The following VPS13A variants were observed in gnomAD, a reference collection of about 807,000 sequenced individuals.
VPS13A encodes intermembrane lipid transfer protein VPS13A.
VPS13A carries 264 observed loss-of-function variants against 390.9 expected under a neutral mutation model. The observed-to-expected ratio is 0.68, with a 90% confidence interval of 0.61 to 0.75. VPS13A has a LOEUF of 0.75. Ranked by LOEUF, VPS13A falls within the 30% of genes least tolerant of loss-of-function variation. VPS13A has a pLI of 0.00. For synonymous variants in VPS13A, 1,231 were observed against 1,227.1 expected (o/e 1.00, Z -0.07); for missense variants, 3,409 against 3,733.9 (o/e 0.91, Z 2.27).
Position 77,276,061 on chromosome 9 carries a change from C to G in VPS13A, c.2668-4C>G. 1 of 1,610,888 alleles carries G rather than the reference C, an allele frequency of 6.2e-7. No individual in the cohort carries two copies. Among genetic ancestry groups the G allele is most frequent in the East Asian group, 2.2e-5 (1 of 44,722 alleles). On this transcript the variant is annotated splice_region_variant and splice_polypyrimidine_tract_variant and intron_variant, in intron 25 of 71. Transcript: ENST00000360280. ...TGGTAATTTCTTTTTTCTTTCTTCT[C>G]CAGGTTTTGATCGAGTTTTATCACC...
chr9:77,304,837 TAAC>T (rs1828617906), intron 34 of VPS13A, among the ~76,000 whole-genome samples: 1 of 152,212 alleles, frequency 6.6e-6, no homozygotes, highest in Non-Finnish European at 1.5e-5. Flanking sequence ...GAAACCTACT[TAAC>T]AAATCCTTCT....
At chr9:77,336,088 C>G (rs1004744005) in intron 46 of VPS13A, among the ~76,000 whole-genome samples, 2 of 152,100 alleles carry the variant, frequency 1.3e-5, no homozygotes, top group African/African-American at 4.8e-5. Context: ...CCATTCTCAG[C>G]AAACTAGCAC....
At chr9:77,286,715 T>G (rs115215115) in intron 31 of VPS13A, among the ~76,000 whole-genome samples, 3 of 152,152 alleles carry the variant, frequency 2.0e-5, no homozygotes, top group African/African-American at 7.2e-5. Context: ...GACATCACAG[T>G]TGATGGTCAG....
At chr9:77,265,124 C>T (rs1825962011) in intron 23 of VPS13A, among the ~76,000 whole-genome samples, 1 of 152,164 alleles carries the variant, frequency 6.6e-6, no homozygotes, top group Admixed American at 6.5e-5. Context: ...GTTGAACCAG[C>T]CTTGCATCTC....
chr9:77,264,056 T>TC, intron 23 of VPS13A, among the ~76,000 whole-genome samples: 1 of 152,084 alleles, frequency 6.6e-6, no homozygotes, highest in South Asian at 2.1e-4. Context: ...AGGGAATCTT[T>TC]CCCCCATTGC....
chr9:77,213,394 C>T, intron 9 of VPS13A, 80 bp downstream of exon 9: 1 of 1,176,964 alleles, frequency 8.5e-7, no homozygotes, highest in African/African-American at 1.5e-5. Context: ...ATCTAATATA[C>T]TGTAGTCAGT....
At position 77,177,766 on chromosome 9, in the gene VPS13A, A is replaced by G; in HGVS notation, c.62A>G (p.Asp21Gly). ...LNRFLGDYVV[D>G]LDTSQLSLGI... is the part of the protein sequence containing the mutation. ...CGGTTCTTGGGGGACTATGTGGTGGACTTGGACACGTCCCAGCTCTCTCTG... is the reference window on the plus strand; with the variant it reads ...CGGTTCTTGGGGGACTATGTGGTGGGCTTGGACACGTCCCAGCTCTCTCTG... The change falls in exon 1 of 72, where the codon GAC becomes GGC. Residue 21 changes from aspartate to glycine, a missense_variant. Physicochemically the swap from Asp to Gly is moderately conservative, Grantham distance 94. This residue lies in a region of VPS13A where 2,717 missense variants were observed against 2,917.4 expected (regional missense o/e 0.93). Transcript: ENST00000360280. The G allele has an allele frequency of 6.2e-7, 1 of 1,613,540 alleles. No homozygotes were observed. The highest frequency in any genetic ancestry group is 8.5e-7 in the Non-Finnish European group (1 of 1,179,662).
At chr9:77,270,070 A>G (rs1406053792) in intron 23 of VPS13A, among the ~76,000 whole-genome samples, 4 of 152,190 alleles carry the variant, frequency 2.6e-5, no homozygotes, top group African/African-American at 9.6e-5. Flanking sequence ...CACCCAGTCT[A>G]TGCTATTTTG....
Position 77,360,415 on chromosome 9 carries a change from A to G in VPS13A, c.8106-121A>G, listed in dbSNP as rs1325257762. The G allele has an allele frequency of 6.9e-5, 50 of 723,576 alleles. 1 individual carries two copies. Among genetic ancestry groups the G allele is most frequent in the Non-Finnish European group, 1.1e-4 (47 of 422,746 alleles). 44.8% of individuals were successfully genotyped at this position (723,576 alleles called of 1,614,324 possible). A position where few individuals can be genotyped will look rare whatever the true frequency, so the allele number is the denominator to read the frequency against. On this transcript the variant is annotated intron_variant, in intron 58 of 71. Coordinates refer to ENST00000360280, the MANE Select transcript of VPS13A (RefSeq NM_033305.3). ...TTCCATGATTTTTTAAAATTTAGTC[A>G]ACTAAATAGTCCTAAGTTTCAAAGT...
rs891355768 is a variant in VPS13A at position 77,318,490 on chromosome 9, G to T, written c.5212G>T (p.Gly1738Cys). Residue 1738 changes from glycine to cysteine, a missense_variant, in exon 41 of 72, where the codon GGT becomes TGT. By Grantham distance (159) the Gly-to-Cys change is radical. This residue lies in a region of VPS13A where 2,717 missense variants were observed against 2,917.4 expected (regional missense o/e 0.93). Coordinates refer to ENST00000360280, the MANE Select transcript of VPS13A (RefSeq NM_033305.3). The part of the protein sequence containing the change: ...SIFIVLEAGI[G>C]HRTVPMLLAK... ...TTTTATAGTTCTTGAGGCTGGAATT[G>T]GTCATAGAACAGTACCTATGCTTCT... The T allele has an allele frequency of 1.9e-6, 3 of 1,613,798 alleles. No individual in the cohort carries two copies. In the African/African-American group the frequency reaches 4.0e-5, roughly 22 times the overall value.
intron 59 of VPS13A, among the ~76,000 whole-genome samples, chr9:77,361,685 T>A (rs943552271): frequency 2.6e-5 from 4 of 152,098 alleles, no homozygotes; most frequent in Non-Finnish European, 5.9e-5. Flanking sequence ...AATTGCTCAA[T>A]CACATAGTAA....
intron 1 of VPS13A, among the ~76,000 whole-genome samples, chr9:77,184,820 A>G (rs921212529): frequency 6.6e-5 from 10 of 152,154 alleles, no homozygotes; most frequent in Non-Finnish European, 1.3e-4. Context: ...CAGTATCTCC[A>G]GGGGTTTAGT....
At chr9:77,323,808 A>C (rs942261456) in intron 45 of VPS13A, among the ~76,000 whole-genome samples, 3 of 152,164 alleles carry the variant, frequency 2.0e-5, no homozygotes, top group Non-Finnish European at 2.9e-5. Flanking sequence ...ATGGAGTTTG[A>C]CTTTCATTCA....
At position 77,417,517 on chromosome 9, in the gene VPS13A, A is replaced by G. The variant is rs1375453541; in HGVS notation, c.*1511A>G. The G allele has an allele frequency of 6.6e-6, 1 of 152,026 alleles. No individual in the cohort carries two copies. Among genetic ancestry groups the G allele is most frequent in the Non-Finnish European group, 1.5e-5 (1 of 67,998 alleles). 9.4% of individuals were successfully genotyped at this position (152,026 alleles called of 1,614,324 possible). On this transcript the variant is annotated 3_prime_UTR_variant, in exon 72 of 72. Transcript: ENST00000360280. ...AAACCACAAGTTTAAAATCACATGA[A>G]AGTGTGTTTCCATGTTGACCTTTGT...
intron 17 of VPS13A, among the ~76,000 whole-genome samples, chr9:77,235,538 A>G (rs1824094948): frequency 6.6e-6 from 1 of 152,096 alleles, no homozygotes; most frequent in African/African-American, 2.4e-5. Context: ...AGTTTATCCT[A>G]ATTGGAGGTC....
At position 77,371,204 on chromosome 9, in the gene VPS13A, G is replaced by C. The variant is rs76031760; in HGVS notation, c.9077+55G>C. On this transcript the variant is annotated intron_variant, in intron 67 of 71. Transcript: ENST00000360280. ...TAAAATGCTGAAGCCATGAGAAATGGAATTTATCTGCTCTTTGGCTTCAGG... is the reference window on the plus strand; with the variant it reads ...TAAAATGCTGAAGCCATGAGAAATGCAATTTATCTGCTCTTTGGCTTCAGG... 0.011 allele frequency: 16,953 copies of C among 1,610,062 alleles called. 1,114 individuals carry two copies. In the East Asian group the frequency reaches 0.2, roughly 19 times the overall value.
At chr9:77,337,078 T>C (rs544941172) in intron 46 of VPS13A, among the ~76,000 whole-genome samples, 177 bp from the exon 47 acceptor site, 3 of 152,252 alleles carry the variant, frequency 2.0e-5, no homozygotes, top group Admixed American at 2.0e-4. Flanking sequence ...ATTACAGGCA[T>C]GAGCCACCGC....
intron 31 of VPS13A, among the ~76,000 whole-genome samples, chr9:77,288,693 C>A (rs1226972425): frequency 6.6e-6 from 1 of 152,022 alleles, no homozygotes; most frequent in Non-Finnish European, 1.5e-5. Context: ...TATGATTAAT[C>A]TTGGTGAATG....
chr9:77,245,252 G>A (rs1564660128), intron 19 of VPS13A, among the ~76,000 whole-genome samples: 1 of 152,118 alleles, frequency 6.6e-6, no homozygotes, highest in Admixed American at 6.5e-5. Context: ...TAAGGCTTGT[G>A]GTAGGACTTC....
Sources: gnomAD v4.1 joint callset for allele counts (sites outside exome capture counted in the v4.1 genomes callset) on GRCh38, gnomAD v4.1.1 for gene constraint, gnomAD v4.1.1 regional missense constraint, MANE v1.5 for transcripts, NCBI Gene and HGNC (gene_info 2026-07-23, HGNC 2026-07-21) for gene names.